Variants in CDIN1 observed in about 807,000 individuals in gnomAD.
CDIN1 encodes the protein CDAN1 interacting nuclease 1.
Under a neutral mutation model 45.3 loss-of-function variants are expected in CDIN1, and 33 were observed. The observed-to-expected ratio is 0.73, with a 90% CI of 0.55 to 0.97. CDIN1 has a LOEUF of 0.97. CDIN1 is among the 50% of genes least tolerant of loss of function. CDIN1 has a pLI of 0.00. For synonymous variants in CDIN1, 118 were observed against 124.4 expected (o/e 0.95, Z 0.34); for missense variants, 303 against 339.4 (o/e 0.89, Z 0.84).
chr15:36,730,556 T>C (rs2043799611), intron 10 of CDIN1, among the ~76,000 whole-genome samples: 2 of 152,120 alleles, frequency 1.3e-5, no homozygotes, highest in African/African-American at 4.8e-5. Flanking sequence ...AAAACAACCT[T>C]TAATTTAGCA....
intron 1 of CDIN1, among the ~76,000 whole-genome samples, chr15:36,643,149 A>C (rs943975720): frequency 6.6e-6 from 1 of 152,192 alleles, no homozygotes; most frequent in African/African-American, 2.4e-5. Context: ...AGTTATTGAA[A>C]TATTCTTTTA....
intron 10 of CDIN1, among the ~76,000 whole-genome samples, chr15:36,779,566 A>G (rs1414111028): frequency 1.3e-5 from 2 of 152,170 alleles, no homozygotes; most frequent in Non-Finnish European, 2.9e-5. Flanking sequence ...AAATCTAGGA[A>G]TATGTGTTCT....
At chr15:36,606,858 T>G (rs1308607086) in intron 1 of CDIN1, among the ~76,000 whole-genome samples, 1 of 152,166 alleles carries the variant, frequency 6.6e-6, no homozygotes, top group East Asian at 1.9e-4. Flanking sequence ...ACCAGCAAGC[T>G]CTTTTTGTAC....
chr15:36,617,664 G>T, intron 1 of CDIN1: 1 of 767,382 alleles, frequency 1.3e-6, no homozygotes, highest in South Asian at 1.3e-5. Flanking sequence ...GTAAAAAAGT[G>T]AGCCAAGTCA....
At chr15:36,731,479 A>G (rs570023788) in intron 10 of CDIN1, among the ~76,000 whole-genome samples, 1 of 152,264 alleles carries the variant, frequency 6.6e-6, no homozygotes, top group South Asian at 2.1e-4. Context: ...TTTATTAGCT[A>G]AAGCTGTTGC....
intron 10 of CDIN1, chr15:36,747,071 T>C (rs2044472057): frequency 2.5e-6 from 1 of 393,918 alleles, no homozygotes; most frequent in African/African-American, 2.3e-5. Context: ...GAAATGTGTT[T>C]GTAAATAACA....
intron 10 of CDIN1, among the ~76,000 whole-genome samples, chr15:36,788,265 C>T (rs979928550): frequency 9.9e-5 from 15 of 151,344 alleles, no homozygotes; most frequent in African/African-American, 3.2e-4. Flanking sequence ...GACAGGCATG[C>T]GCCACCACAC....
At chr15:36,791,352 C>T (rs895170205) in intron 10 of CDIN1, among the ~76,000 whole-genome samples, 2 of 152,116 alleles carry the variant, frequency 1.3e-5, no homozygotes, top group African/African-American at 2.4e-5. Context: ...AAGACACTTG[C>T]CTGCATAGCA....
intron 5 of CDIN1, among the ~76,000 whole-genome samples, chr15:36,681,309 T>C (rs1202391676): frequency 1.3e-5 from 2 of 152,012 alleles, no homozygotes; most frequent in Non-Finnish European, 2.9e-5. Flanking sequence ...AGGAGAAAAT[T>C]AGAAGAATTA....
intron 3 of CDIN1, among the ~76,000 whole-genome samples, chr15:36,646,666 CA>C (rs35023654): frequency 0.95 from 145,252 of 152,270 alleles, 69,286 homozygotes; most frequent in East Asian, 1. Flanking sequence ...ATTTACATGC[CA>C]AAAAATACAT....
At chr15:36,797,853 G>GCA in intron 10 of CDIN1, among the ~76,000 whole-genome samples, 1 of 151,788 alleles carries the variant, frequency 6.6e-6, no homozygotes, top group South Asian at 2.1e-4. Context: ...GGTGGTGCAT[G>GCA]CCTGTAGTCC....
At chr15:36,688,094 G>A (rs2042123491) in intron 5 of CDIN1, among the ~76,000 whole-genome samples, 2 of 151,888 alleles carry the variant, frequency 1.3e-5, no homozygotes, top group Non-Finnish European at 2.9e-5. Flanking sequence ...AATAGTAAAA[G>A]AGTAATGTGG....
At chr15:36,757,403 C>G (rs2053637037) in intron 10 of CDIN1, among the ~76,000 whole-genome samples, 1 of 152,196 alleles carries the variant, frequency 6.6e-6, no homozygotes, top group African/African-American at 2.4e-5. Flanking sequence ...CTCATGAACT[C>G]TTTTCTCGCT....
chr15:36,639,739 ATG>A (rs1226143904), intron 1 of CDIN1, among the ~76,000 whole-genome samples: 3 of 152,168 alleles, frequency 2.0e-5, no homozygotes, highest in Non-Finnish European at 4.4e-5. Context: ...GTGCCATTTT[ATG>A]TAAGTGACTT....
chr15:36,651,391 A>G (rs8031574), intron 3 of CDIN1, among the ~76,000 whole-genome samples: 145,340 of 152,258 alleles, frequency 0.95, 69,378 homozygotes, highest in East Asian at 1. Flanking sequence ...GAAAGGTACC[A>G]TTAGGATTTT....
chr15:36,613,934 G>A (rs2038767390), intron 1 of CDIN1: 6 of 1,555,814 alleles, frequency 3.9e-6, no homozygotes, highest in East Asian at 2.2e-5. Flanking sequence ...CCCCATTGCC[G>A]AGAGATGGAT....
intron 1 of CDIN1, among the ~76,000 whole-genome samples, chr15:36,622,968 G>A (rs1029471523): frequency 7.2e-5 from 11 of 152,360 alleles, no homozygotes; most frequent in Middle Eastern, 6.8e-3. Flanking sequence ...ACACACAAAT[G>A]TATGGAGCTG....
At chr15:36,687,999 ATGT>A (rs1166213787) in intron 5 of CDIN1, among the ~76,000 whole-genome samples, 1 of 152,196 alleles carries the variant, frequency 6.6e-6, no homozygotes. Flanking sequence ...AAATTGTGGC[ATGT>A]AGCTAAAGCA....
chr15:36,652,236 G>A (rs1394512724), intron 3 of CDIN1, among the ~76,000 whole-genome samples: 1 of 152,182 alleles, frequency 6.6e-6, no homozygotes, highest in Non-Finnish European at 1.5e-5. Context: ...TATAATCTCT[G>A]TGATGATGGG....
Sources: allele counts gnomAD v4.1 joint callset (sites outside exome capture counted in the v4.1 genomes callset), GRCh38; gene constraint gnomAD v4.1.1; transcripts MANE v1.5; gene names NCBI Gene and HGNC (gene_info 2026-07-23, HGNC 2026-07-21).